BRD1: variants seen among roughly 807,000 people sequenced by gnomAD.
BRD1 encodes bromodomain-containing protein 1.
A neutral mutation model predicts 107.7 loss-of-function variants in BRD1; 24 were observed. The observed-to-expected ratio is 0.22, with a 90% CI of 0.16 to 0.31. BRD1 has a LOEUF of 0.31. Among genes scored for constraint, BRD1 ranks in the 10% least tolerant of loss-of-function variants. The probability of loss-of-function intolerance (pLI) is 1.00; values close to 1 mark genes in which losing one functional copy is unlikely to be tolerated. For missense variants in BRD1, 1,279 were observed against 1,638.6 expected, an observed-to-expected ratio of 0.78 and a Z score of 3.79; for synonymous variants, 744 against 686.1, an observed-to-expected ratio of 1.08 and a Z score of -1.32.
intron 12 of BRD1, among the ~76,000 whole-genome samples, chr22:49,774,898 G>A (rs1304771236): frequency 2.6e-5 from 4 of 152,256 alleles, no homozygotes; most frequent in Non-Finnish European, 5.9e-5. Flanking sequence ...TGCCAGTCCT[G>A]CTCCAGGCAC....
At chr22:49,818,398 A>G (rs1036637784) in intron 2 of BRD1, 2 of 1,171,278 alleles carry the variant, frequency 1.7e-6, no homozygotes, top group African/African-American at 3.2e-5. Context: ...GAGTTTTGTT[A>G]AACAGATTAT....
At chr22:49,796,762 G>A (rs1160016001) in intron 6 of BRD1, among the ~76,000 whole-genome samples, 1 of 152,244 alleles carries the variant, frequency 6.6e-6, no homozygotes, top group Non-Finnish European at 1.5e-5. Context: ...GCTGCCATGA[G>A]GGGAACAGAG....
Position 49,777,041 on chromosome 22 carries a change from G to T in BRD1, c.3114C>A (p.Ile1038=). 6.2e-7 allele frequency: 1 copy of T among 1,613,136 alleles called. No individual in the cohort carries two copies. The highest frequency in any genetic ancestry group is 8.5e-7 in the Non-Finnish European group (1 of 1,179,994). Residue 1038 remains isoleucine, a synonymous_variant, in exon 10 of 13, where the codon ATC becomes ATA. Transcript: ENST00000404760. The stretch of plus-strand genomic sequence containing the variant: ...CAGGTCCGGGCGACTCACCGGCTGC[G>T]ATCCTGGCCGCCTTGGCGTAGTTCC... ...ENGNYAKAAR[I]AAEVGQSSMW...
chr22:49,810,625 A>G (rs138863), intron 2 of BRD1, among the ~76,000 whole-genome samples: 12,055 of 152,306 alleles, frequency 0.079, 619 homozygotes, highest in South Asian at 0.11. Flanking sequence ...TTATGACAAC[A>G]GTAAGAAGTC....
chr22:49,824,844 G>A lies in BRD1; in HGVS notation c.-14-513C>T. The A allele has an allele frequency of 1.0e-6, 1 of 1,002,414 alleles. No homozygotes were observed. Among genetic ancestry groups the A allele is most frequent in the Non-Finnish European group, 1.2e-6 (1 of 838,220 alleles). 62.1% of individuals were successfully genotyped at this position (1,002,414 alleles called of 1,614,324 possible). On this transcript the variant is annotated intron_variant, in intron 1 of 12. Transcript: ENST00000404760. The surrounding 1 kb of genome is among the most constrained non-coding windows in gnomAD (Gnocchi z 5.9). ...ACTCTTCCCCTCCCCACTACTCCCA[G>A]GAGAGCACTCCCATGAGCCCAGAGT... is the stretch of plus-strand genomic sequence containing the variant.
intron 2 of BRD1, among the ~76,000 whole-genome samples, chr22:49,813,677 C>G (rs2059897838): frequency 6.6e-6 from 1 of 151,582 alleles, no homozygotes; most frequent in Non-Finnish European, 1.5e-5. Flanking sequence ...ACTAAAAATA[C>G]AAAAATTAGC....
rs1218098081 is a variant in BRD1 at position 49,805,289 on chromosome 22, CAA to C, written c.1368-931_1368-930del. Among the ~76,000 whole-genome samples the C allele has an allele frequency of 5.9e-5, 9 of 152,204 alleles. No individual in the cohort carries two copies. The South Asian group carries it at 1.7e-3, about 28-fold the overall frequency. On this transcript the variant is annotated intron_variant, in intron 2 of 12. Transcript: ENST00000404760. The stretch of plus-strand genomic sequence containing the variant: ...CCGCCTCTTCCGGCAGAACCTGGCT[CAA>C]GCGTGGAGCCTGCAGGAGAACACTC...
intron 2 of BRD1, among the ~76,000 whole-genome samples, chr22:49,814,306 G>A (rs1462001454): frequency 6.6e-6 from 1 of 152,234 alleles, no homozygotes; most frequent in East Asian, 1.9e-4. Flanking sequence ...CAGAACCCTG[G>A]CATGACACAC....
rs2060130590 is a variant in BRD1, at chr22:49,824,957, C to T, written c.-14-626G>A. Among the ~76,000 whole-genome samples the T allele has an allele frequency of 1.3e-5, 2 of 152,176 alleles. No homozygotes were observed. Among genetic ancestry groups the T allele is most frequent in the South Asian group, 2.1e-4 (1 of 4,832 alleles). On this transcript the variant is annotated intron_variant, in intron 1 of 12. Coordinates refer to ENST00000404760, the MANE Select transcript of BRD1 (RefSeq NM_001304808.3). The surrounding 1 kb of genome is among the most constrained non-coding windows in gnomAD (Gnocchi z 5.9). ...ATCCTCTATAGACAGGCCCTCCACA[C>T]GCACAACACGGCACAGGGGACCAAC... is the stretch of plus-strand genomic sequence containing the variant.
chr22:49,779,805 A>G (rs1189991279), intron 8 of BRD1, among the ~76,000 whole-genome samples: 1 of 151,706 alleles, frequency 6.6e-6, no homozygotes, highest in Non-Finnish European at 1.5e-5. Context: ...GAGTGGGTGA[A>G]GGCAAGGGAA....
In BRD1 at chr22:49,798,971, G is replaced by C. The variant is rs374588382; in HGVS notation, c.1656+17C>G. 5 of 1,594,510 alleles carry C rather than the reference G, an allele frequency of 3.1e-6. No individual in the cohort carries two copies. The highest frequency in any genetic ancestry group is 4.3e-6 in the Non-Finnish European group (5 of 1,170,954). On this transcript the variant is annotated intron_variant, in intron 4 of 12. Transcript: ENST00000404760. Reference sequence around the variant, plus strand: ...GTGGCCAGTGGTGCACTCCACGCGGGACAGGCCCAGCCCCACCTGCTCACG... The same window carrying C: ...GTGGCCAGTGGTGCACTCCACGCGGCACAGGCCCAGCCCCACCTGCTCACG...
At chr22:49,796,868 T>C (rs2059543796) in intron 6 of BRD1, among the ~76,000 whole-genome samples, 2 of 152,044 alleles carry the variant, frequency 1.3e-5, no homozygotes, top group Non-Finnish European at 2.9e-5. Flanking sequence ...GGCGGGAACG[T>C]GGAAGAGAGG....
intron 2 of BRD1, among the ~76,000 whole-genome samples, chr22:49,816,722 G>A (rs1039599723): frequency 1.3e-5 from 2 of 152,228 alleles, no homozygotes; most frequent in African/African-American, 4.8e-5. Flanking sequence ...AACATAGTGA[G>A]ACCCTGTCTC....
intron 4 of BRD1, 62 bp from the exon 5 acceptor site, chr22:49,798,748 G>T (rs1375480763): frequency 8.8e-6 from 13 of 1,482,776 alleles, no homozygotes; most frequent in Middle Eastern, 2.1e-4. Context: ...GCCCCACCAC[G>T]CGCCCCACAG....
At chr22:49,820,404 C>A (rs2147383588) in intron 2 of BRD1, among the ~76,000 whole-genome samples, 1 of 152,202 alleles carries the variant, frequency 6.6e-6, no homozygotes, top group East Asian at 1.9e-4. Context: ...CCATAACCAA[C>A]TAGACTCAGC....
Position 49,824,268 on chromosome 22 carries a change from G to A in BRD1, c.50C>T (p.Ser17Phe), listed in dbSNP as rs1488733018. 2 of 1,614,006 alleles carry A rather than the reference G, an allele frequency of 1.2e-6. No homozygotes were observed. The highest frequency in any genetic ancestry group is 1.7e-6 in the Non-Finnish European group (2 of 1,180,018). Residue 17 changes from serine to phenylalanine, a missense_variant, in exon 2 of 13, where the codon TCT becomes TTT. Physicochemically the swap from Ser to Phe is radical, Grantham distance 155. This residue lies in a region of BRD1 where 223 missense variants were observed against 263.5 expected (regional missense o/e 0.85). Transcript: ENST00000404760. This position sits in a 1 kb window ranked among gnomAD's most constrained non-coding sequence, Gnocchi z 5.9. ...CHRGSAARHPSSPCSVKHSPT... is the reference protein window; with the variant it reads ...CHRGSAARHPFSPCSVKHSPT... ...GGAGTGTTTAACACTGCATGGGGAA[G>A]AAGGATGCCTCGCTGCAGAGCCTCG...
Position 49,798,553 on chromosome 22 carries a change from C to T in BRD1, c.1785+5G>A. On this transcript the variant is annotated splice_donor_5th_base_variant and intron_variant, in intron 5 of 12. Coordinates refer to ENST00000404760, the MANE Select transcript of BRD1 (RefSeq NM_001304808.3). ...GCAGGACAGACGAGCGCCGCAAACA[C>T]CCACCTCCTTCAGACTCACGGGCTG... is the stretch of plus-strand genomic sequence containing the variant. The T allele has an allele frequency of 1.2e-6, 2 of 1,614,198 alleles. No homozygotes were observed. Among genetic ancestry groups the T allele is most frequent in the Non-Finnish European group, 1.7e-6 (2 of 1,180,038 alleles).
chr22:49,796,861 G>T (rs549140361), intron 6 of BRD1, among the ~76,000 whole-genome samples: 1 of 152,256 alleles, frequency 6.6e-6, no homozygotes, highest in Non-Finnish European at 1.5e-5. Context: ...CCGCGATGGC[G>T]GGAACGTGGA....
intron 6 of BRD1, among the ~76,000 whole-genome samples, chr22:49,794,636 C>G (rs1033274868): frequency 2.0e-5 from 3 of 152,250 alleles, no homozygotes; most frequent in Non-Finnish European, 4.4e-5. Context: ...GAGGGCACAG[C>G]ACACAGACCC....
Sources: allele counts gnomAD v4.1 joint callset (sites outside exome capture counted in the v4.1 genomes callset), GRCh38; gene constraint gnomAD v4.1.1; regional missense constraint gnomAD v4.1.1; non-coding constraint Gnocchi (gnomAD v3.1); transcripts MANE v1.5; gene names NCBI Gene and HGNC (gene_info 2026-07-23, HGNC 2026-07-21).